LRRC74B: variants seen among roughly 807,000 people sequenced by gnomAD.
LRRC74B encodes leucine-rich repeat-containing protein 74B.
Under a neutral mutation model 16.6 loss-of-function variants are expected in LRRC74B, and 30 were observed. The observed-to-expected ratio is 1.80, with a 90% CI of 1.35 to 2.45. The LOEUF is 2.45. Among genes scored for constraint, LRRC74B ranks in the 30% most tolerant of loss-of-function variants. LRRC74B has a pLI of 0.00. For synonymous variants in LRRC74B, 134 were observed against 86.0 expected (o/e 1.56, Z -3.09); for missense variants, 326 against 202.4 (o/e 1.61, Z -3.71).
In LRRC74B at chr22:21,056,986, G is replaced by A. The variant is rs566138342; in HGVS notation, c.928-119G>A. On this transcript the variant is annotated intron_variant, in intron 7 of 8. Coordinates refer to ENST00000442047, the Ensembl canonical transcript of LRRC74B. ...ATCTGATGGAGACACCTTCTGAGCC[G>A]AAACAGTGTGGCCATAGTGGCTGTG... The A allele has an allele frequency of 7.0e-4, 439 of 630,080 alleles. 1 individual carries two copies. The highest frequency in any genetic ancestry group is 5.1e-3 in the Admixed American group (196 of 38,172). The allele number at this position is 630,080 out of a possible 1,614,324, so 39.0% of individuals were successfully genotyped here.
downstream of LRRC74B, among the ~76,000 whole-genome samples, chr22:21,061,014 T>C (rs865955349): frequency 1.6e-4 from 24 of 152,196 alleles, no homozygotes; most frequent in South Asian, 6.2e-4. Flanking sequence ...ACCAGAGATG[T>C]ATAAAAGATT....
intron 7 of LRRC74B, chr22:21,056,661 G>T: frequency 5.7e-6 from 1 of 174,704 alleles, no homozygotes; most frequent in Non-Finnish European, 1.2e-5. Flanking sequence ...TTTCACCCCT[G>T]CCTTTGTTCC....
downstream of LRRC74B, among the ~76,000 whole-genome samples, chr22:21,061,026 A>C (rs1186048189): frequency 1.3e-5 from 2 of 152,148 alleles, no homozygotes; most frequent in African/African-American, 4.8e-5. Flanking sequence ...TAAAAGATTG[A>C]TGCCTAAAGA....
At chr22:21,052,289 C>A (rs1930131436) in exon 5 of LRRC74B, 3 of 717,454 alleles carry the variant, frequency 4.2e-6, no homozygotes, top group Non-Finnish European at 7.8e-6. Context: ...ACACAGGACT[C>A]ACCGAGCTTA....
chr22:21,053,265 T>C, intron 5 of LRRC74B, 95 bp from the exon 6 acceptor site: 1 of 652,526 alleles, frequency 1.5e-6, no homozygotes, highest in Non-Finnish European at 2.8e-6. Flanking sequence ...ATCTCTTATC[T>C]TTGCACCTCA....
intron 8 of LRRC74B, among the ~76,000 whole-genome samples, chr22:21,058,533 C>CA (rs1030430649): frequency 3.3e-5 from 5 of 151,884 alleles, no homozygotes; most frequent in East Asian, 3.9e-4. Context: ...GGGAAGGAAA[C>CA]AAAAAAAATT....
chr22:21,052,171 G>A (rs117587161), intron 4 of LRRC74B, 78 bp from the exon 5 acceptor site: 21,523 of 702,892 alleles, frequency 0.031, 419 homozygotes, highest in Middle Eastern at 0.049. Flanking sequence ...CAGAGGCTCG[G>A]CACGCAGTGG....
At chr22:21,050,777 C>CAA (rs71188205) in intron 4 of LRRC74B, among the ~76,000 whole-genome samples, 1,975 of 103,876 alleles carry the variant, frequency 0.019, 31 homozygotes, top group Middle Eastern at 0.037. Flanking sequence ...GACTCTGTCT[C>CAA]AAAAAAAAAA....
At chr22:21,055,214 C>A (rs1323116979) in intron 7 of LRRC74B, 38 bp downstream of exon 7, 2 of 708,488 alleles carry the variant, frequency 2.8e-6, no homozygotes, top group Admixed American at 2.0e-5. Flanking sequence ...CCAGCACAGA[C>A]CTGCCCTGTA....
downstream of LRRC74B, among the ~76,000 whole-genome samples, chr22:21,060,892 A>T (rs112253119): frequency 0.03 from 4,576 of 152,278 alleles, 221 homozygotes; most frequent in African/African-American, 0.1. Context: ...ACTTTTGAGA[A>T]TGCAAACGGG....
At chr22:21,057,757 AC>A (rs1930619743) in intron 8 of LRRC74B, among the ~76,000 whole-genome samples, 1 of 140,236 alleles carries the variant, frequency 7.1e-6, no homozygotes, top group African/African-American at 2.7e-5. Context: ...AGCTGGAAGT[AC>A]AGGTACAGGT....
At chr22:21,046,180 A>G in intron 1 of LRRC74B, 55 bp downstream of exon 1, 1 of 710,688 alleles carries the variant, frequency 1.4e-6, no homozygotes, top group East Asian at 2.7e-5. Flanking sequence ...CTTCTCCCGC[A>G]GGGGTTGGGG....
In LRRC74B at chr22:21,048,941, T is replaced by C. The variant is rs400110; in HGVS notation, c.416-10T>C. The C allele has an allele frequency of 6.9e-4, 491 of 715,774 alleles. 1 individual carries two copies. The highest frequency in any genetic ancestry group is 6.7e-3 in the African/African-American group (383 of 57,310). 44.3% of individuals were successfully genotyped at this position (715,774 alleles called of 1,614,324 possible). On this transcript the variant is annotated splice_polypyrimidine_tract_variant and intron_variant, in intron 3 of 8. Transcript: ENST00000442047. ...CATCCCACTGGCCGAGGAGTGGTTC[T>C]GTCCCCCAGATGTGGACCTGTCGGA... is the stretch of plus-strand genomic sequence containing the variant.
chr22:21,050,606 G>A (rs374237344), intron 4 of LRRC74B, among the ~76,000 whole-genome samples: 30 of 151,486 alleles, frequency 2.0e-4, no homozygotes, highest in East Asian at 1.8e-3. Flanking sequence ...GTGAAATGCC[G>A]TCTCTACTAA....
intron 1 of LRRC74B, 74 bp downstream of exon 1, chr22:21,046,199 C>A: frequency 1.4e-6 from 1 of 698,864 alleles, no homozygotes; most frequent in South Asian, 1.5e-5. Flanking sequence ...GGGAGGCGGG[C>A]TGGGGCTAAG....
chr22:21,059,478 C>T (rs995504335), intron 8 of LRRC74B, among the ~76,000 whole-genome samples: 1 of 152,054 alleles, frequency 6.6e-6, no homozygotes, highest in Non-Finnish European at 1.5e-5. Flanking sequence ...AGGAGAATCG[C>T]TTGAACCAGA....
At chr22:21,061,857 C>G, downstream of LRRC74B, 1 of 151,924 alleles carries the variant, frequency 6.6e-6, no homozygotes, top group East Asian at 1.9e-4. Context: ...TATATCCATA[C>G]AGTGGAATAT....
At chr22:21,047,547 G>A (rs1929567206) in intron 2 of LRRC74B, 49 bp downstream of exon 2, 3 of 708,344 alleles carry the variant, frequency 4.2e-6, no homozygotes, top group Non-Finnish European at 5.2e-6. Context: ...GAGGCCTCGG[G>A]AGACAGCAGC....
chr22:21,053,271 C>T, intron 5 of LRRC74B, 89 bp from the exon 6 acceptor site: 4 of 665,346 alleles, frequency 6.0e-6, no homozygotes, highest in Non-Finnish European at 1.1e-5. Context: ...TATCTTTGCA[C>T]CTCAGGGCTC....
Sources: gnomAD v4.1 joint callset for allele counts (sites outside exome capture counted in the v4.1 genomes callset) on GRCh38, gnomAD v4.1.1 for gene constraint, MANE v1.5 for transcripts, NCBI Gene and HGNC (gene_info 2026-07-23, HGNC 2026-07-21) for gene names.